RBM46: variants seen among roughly 807,000 people sequenced by gnomAD.
The protein encoded by RBM46 is probable RNA-binding protein 46.
RBM46 carries 12 observed loss-of-function variants against 43.3 expected under a neutral mutation model. The observed-to-expected ratio is 0.28, with a 90% CI of 0.18 to 0.45. The LOEUF is 0.45. Ranked by LOEUF, RBM46 falls within the 20% of genes least tolerant of loss-of-function variation. RBM46 has a pLI of 1.00. For missense variants in RBM46, 412 were observed against 639.1 expected, an observed-to-expected ratio of 0.64 and a Z score of 3.83; for synonymous variants, 205 against 207.6, an observed-to-expected ratio of 0.99 and a Z score of 0.11.
Position 154,827,449 on chromosome 4 carries a change from G to A in RBM46, c.1403-419G>A, listed in dbSNP as rs1846704. ...GGGTGAATGTTTCTGCTGGTTTGAT[G>A]CCTAATACAGCTTCAAAGAAAAAAA... On this transcript the variant is annotated intron_variant, in intron 4 of 4. Coordinates refer to ENST00000281722, the MANE Select transcript of RBM46 (RefSeq NM_144979.5). The A allele has an allele frequency of 6.2e-3, 6,163 of 1,000,446 alleles. 294 individuals carry two copies. In the African/African-American group the frequency reaches 0.099, roughly 16 times the overall value. The allele number at this position is 1,000,446 out of a possible 1,614,324, so 62.0% of individuals were successfully genotyped here. A position where few individuals can be genotyped will look rare whatever the true frequency, so the allele number is the denominator to read the frequency against.
intron 4 of RBM46, among the ~76,000 whole-genome samples, chr4:154,800,950 G>T (rs1734605114): frequency 6.6e-6 from 1 of 151,596 alleles, no homozygotes; most frequent in African/African-American, 2.4e-5. Flanking sequence ...ATATTGTTTA[G>T]GCTTACCATA....
intron 4 of RBM46, 122 bp downstream of exon 4, chr4:154,799,686 C>A (rs1326083297): frequency 5.0e-6 from 3 of 602,766 alleles, no homozygotes; most frequent in Non-Finnish European, 5.1e-6. Context: ...AATTTTATCT[C>A]AATTTTATAA....
At chr4:154,821,151 G>C (rs553414337) in intron 4 of RBM46, among the ~76,000 whole-genome samples, 19 of 151,700 alleles carry the variant, frequency 1.3e-4, no homozygotes, top group Non-Finnish European at 2.1e-4. Flanking sequence ...AATAAAATCT[G>C]TTCTCAGACT....
intron 4 of RBM46, among the ~76,000 whole-genome samples, chr4:154,803,954 C>T (rs907414428): frequency 3.3e-5 from 5 of 152,046 alleles, no homozygotes; most frequent in Non-Finnish European, 4.4e-5. Context: ...GTGCTGTCTT[C>T]GCAATGGTGA....
intron 4 of RBM46, among the ~76,000 whole-genome samples, chr4:154,808,015 A>T (rs1487287858): frequency 6.6e-6 from 1 of 151,992 alleles, no homozygotes; most frequent in Non-Finnish European, 1.5e-5. Flanking sequence ...CAGTAAATAT[A>T]ATCTTTGTAC....
intron 4 of RBM46, among the ~76,000 whole-genome samples, chr4:154,805,269 T>C (rs1043016193): frequency 6.6e-6 from 1 of 152,190 alleles, no homozygotes; most frequent in Non-Finnish European, 1.5e-5. Flanking sequence ...GTTGGATATA[T>C]CTGCTTTTCC....
intron 1 of RBM46, among the ~76,000 whole-genome samples, chr4:154,789,355 C>A (rs1432900387): frequency 6.6e-6 from 1 of 152,080 alleles, no homozygotes; most frequent in South Asian, 2.1e-4. Flanking sequence ...CCCATCAATA[C>A]CTAATTTATT....
intron 4 of RBM46, among the ~76,000 whole-genome samples, chr4:154,804,956 G>C (rs1202529073): frequency 6.6e-6 from 1 of 151,770 alleles, no homozygotes; most frequent in East Asian, 1.9e-4. Flanking sequence ...GATGAAGGCA[G>C]ATACACAAAT....
intron 4 of RBM46, among the ~76,000 whole-genome samples, chr4:154,801,085 TCTC>T (rs1235972454): frequency 6.6e-6 from 1 of 151,802 alleles, no homozygotes; most frequent in Admixed American, 6.6e-5. Context: ...TTCAAGCAAT[TCTC>T]CTGCCTCAGC....
At chr4:154,813,321 T>C (rs1393852041) in intron 4 of RBM46, among the ~76,000 whole-genome samples, 1 of 152,092 alleles carries the variant, frequency 6.6e-6, no homozygotes, top group African/African-American at 2.4e-5. Flanking sequence ...CAGTATATAA[T>C]TTTTAACATG....
At position 154,828,172 on chromosome 4, in the gene RBM46, TA is replaced by T. The variant is rs1263280430; in HGVS notation, c.*110del. 1 of 832,970 alleles carries T rather than the reference TA, an allele frequency of 1.2e-6. No individual in the cohort carries two copies. The highest frequency in any genetic ancestry group is 1.7e-5 in the African/African-American group (1 of 58,226). 51.6% of individuals were successfully genotyped at this position (832,970 alleles called of 1,614,324 possible). A position where few individuals can be genotyped will look rare whatever the true frequency, so the allele number is the denominator to read the frequency against. On this transcript the variant is annotated 3_prime_UTR_variant, in exon 5 of 5. Coordinates refer to ENST00000281722, the MANE Select transcript of RBM46 (RefSeq NM_144979.5). ...AGAATCGGGTTTGCATATTTGGTTTTAAAAAGGTATTTATTCCAAAGTACTA... is the reference window on the plus strand; with the variant it reads ...AGAATCGGGTTTGCATATTTGGTTTTAAAAGGTATTTATTCCAAAGTACTA...
chr4:154,826,335 G>A (rs1735961754), intron 4 of RBM46, among the ~76,000 whole-genome samples: 1 of 152,010 alleles, frequency 6.6e-6, no homozygotes, highest in Non-Finnish European at 1.5e-5. Flanking sequence ...GTGGGTGCCT[G>A]TAATCCCAGC....
At chr4:154,796,122 A>G (rs1734340098) in intron 1 of RBM46, among the ~76,000 whole-genome samples, 1 of 152,194 alleles carries the variant, frequency 6.6e-6, no homozygotes, top group South Asian at 2.1e-4. Context: ...AGCCACCTTC[A>G]CACCACTGCA....
chr4:154,797,790 CTT>C lies in RBM46; in HGVS notation c.152-18_152-17del. 1 of 1,430,436 alleles carries C rather than the reference CTT, an allele frequency of 7.0e-7. No individual in the cohort carries two copies. Among genetic ancestry groups the C allele is most frequent in the Non-Finnish European group, 9.4e-7 (1 of 1,059,954 alleles). The allele number at this position is 1,430,436 out of a possible 1,614,324, so 88.6% of individuals were successfully genotyped here. ...AAATATCCAATTAGAATTTATGTGT[CTT>C]TTCATTTTTGTCGTTCAGGTTGGGA... is the stretch of plus-strand genomic sequence containing the variant. On this transcript the variant is annotated intron_variant, in intron 2 of 4. Coordinates refer to ENST00000281722, the MANE Select transcript of RBM46 (RefSeq NM_144979.5).
At chr4:154,783,909 A>C (rs1196834130) in intron 1 of RBM46, among the ~76,000 whole-genome samples, 1 of 152,128 alleles carries the variant, frequency 6.6e-6, no homozygotes, top group Non-Finnish European at 1.5e-5. Context: ...CTTTTGATTA[A>C]CTCTTCTCGT....
chr4:154,806,923 CTTA>C (rs1734935191), intron 4 of RBM46, among the ~76,000 whole-genome samples: 1 of 151,586 alleles, frequency 6.6e-6, no homozygotes, highest in Admixed American at 6.6e-5. Context: ...GAAGGTGATC[CTTA>C]TTATTTTATT....
intron 4 of RBM46, among the ~76,000 whole-genome samples, chr4:154,826,151 A>T (rs924880033): frequency 2.4e-5 from 2 of 83,112 alleles, no homozygotes; most frequent in African/African-American, 4.0e-5. Context: ...GATCCTTTTA[A>T]AAAAAAAAAA....
At chr4:154,793,333 T>G (rs1392631088) in intron 1 of RBM46, among the ~76,000 whole-genome samples, 1 of 152,238 alleles carries the variant, frequency 6.6e-6, no homozygotes, top group Non-Finnish European at 1.5e-5. Context: ...ATTCTTATGC[T>G]TATATCTTTG....
At position 154,828,344 on chromosome 4, in the gene RBM46, G is replaced by T; in HGVS notation, c.*277G>T. The T allele has an allele frequency of 1.2e-5, 4 of 328,260 alleles. No individual in the cohort carries two copies. Among genetic ancestry groups the T allele is most frequent in the South Asian group, 4.8e-5 (1 of 20,676 alleles). The allele number at this position is 328,260 out of a possible 1,614,324, so 20.3% of individuals were successfully genotyped here. ...TCTAGGATTTTCTTCTACTTTCTGA[G>T]TGGGCAATAGAACCTAGTCATTTAT... On this transcript the variant is annotated 3_prime_UTR_variant, in exon 5 of 5. Coordinates refer to ENST00000281722, the MANE Select transcript of RBM46 (RefSeq NM_144979.5).
Sources: allele counts gnomAD v4.1 joint callset (sites outside exome capture counted in the v4.1 genomes callset), GRCh38; gene constraint gnomAD v4.1.1; transcripts MANE v1.5; gene names NCBI Gene and HGNC (gene_info 2026-07-23, HGNC 2026-07-21).